KDM4B: variants seen among roughly 807,000 people sequenced by gnomAD.
The protein encoded by KDM4B is lysine demethylase 4B.
A neutral mutation model predicts 125.2 loss-of-function variants in KDM4B; 32 were observed. The observed-to-expected ratio is 0.26, with a 90% CI of 0.19 to 0.34. The LOEUF (loss-of-function observed/expected upper bound fraction) is 0.34, where lower values mean the gene tolerates loss of function less well. Among genes scored for constraint, KDM4B ranks in the 10% least tolerant of loss-of-function variants. KDM4B has a pLI of 1.00. For synonymous variants in KDM4B, 721 were observed against 677.9 expected (o/e 1.06, Z -0.99); for missense variants, 1,190 against 1,577.7 (o/e 0.75, Z 4.16).
In KDM4B at chr19:5,109,444, G is replaced by A. The variant is rs188381087; in HGVS notation, c.919-1178G>A. Among the ~76,000 whole-genome samples, 58 of 152,270 alleles carry A rather than the reference G, an allele frequency of 3.8e-4. 1 individual carries two copies. The highest frequency in any genetic ancestry group is 1.6e-3 in the Admixed American group (24 of 15,298). On this transcript the variant is annotated intron_variant, in intron 9 of 22. Coordinates refer to ENST00000159111, the MANE Select transcript of KDM4B (RefSeq NM_015015.3). ...CCCAGTGTGACCAAAGTGACGCAGC[G>A]GCAGAGCCACCAAGAACAGTGACCT...
intron 1 of KDM4B, among the ~76,000 whole-genome samples, chr19:4,969,813 A>G (rs2145258411): frequency 6.8e-6 from 1 of 146,824 alleles, no homozygotes; most frequent in East Asian, 2.0e-4. Flanking sequence ...TCAACCTGCT[A>G]TGCCTTGGTA....
At chr19:5,061,683 T>C (rs1473128215) in intron 6 of KDM4B, among the ~76,000 whole-genome samples, 2 of 151,932 alleles carry the variant, frequency 1.3e-5, no homozygotes, top group East Asian at 3.9e-4. Flanking sequence ...TGGGCAACAT[T>C]GCAAGACTCC....
In KDM4B at chr19:5,144,235, C is replaced by T. The variant is rs777135856; in HGVS notation, c.2737-13C>T. 44 of 1,594,574 alleles carry T rather than the reference C, an allele frequency of 2.8e-5. No individual in the cohort carries two copies. Among genetic ancestry groups the T allele is most frequent in the East Asian group, 4.6e-5 (2 of 43,892 alleles). On this transcript the variant is annotated splice_polypyrimidine_tract_variant and intron_variant, in intron 19 of 22. Transcript: ENST00000159111. ...CGCGCTGACCGCCCCCCACACCCTC[C>T]GCACCCTCCCAGGTCCAACTCCTGA...
rs551184666 is a variant in KDM4B, at chr19:5,041,036, C to T, written c.318-101C>T. 183 of 716,310 alleles carry T rather than the reference C, an allele frequency of 2.6e-4. 3 individuals carry two copies. The South Asian group carries it at 3.0e-3, about 12-fold the overall frequency. 44.4% of individuals were successfully genotyped at this position (716,310 alleles called of 1,614,324 possible). On this transcript the variant is annotated intron_variant, in intron 4 of 22. Coordinates refer to ENST00000159111, the MANE Select transcript of KDM4B (RefSeq NM_015015.3). ...AGCGGGCAGTCGGAGCAGAGCCCCT[C>T]CCGCCTCTTTCATGGGTGCCCTGGG...
At chr19:5,038,108 G>A (rs747359153) in intron 3 of KDM4B, among the ~76,000 whole-genome samples, 1 of 152,234 alleles carries the variant, frequency 6.6e-6, no homozygotes, top group East Asian at 1.9e-4. Flanking sequence ...CCAGATTCCT[G>A]GCAGATGAGC....
intron 9 of KDM4B, among the ~76,000 whole-genome samples, chr19:5,089,469 A>G (rs933019179): frequency 6.6e-6 from 1 of 152,130 alleles, no homozygotes; most frequent in African/African-American, 2.4e-5. Flanking sequence ...TTGCTCCATG[A>G]GGTTTGCTCT....
intron 11 of KDM4B, among the ~76,000 whole-genome samples, chr19:5,128,233 G>A (rs966997069): frequency 1.3e-5 from 2 of 152,212 alleles, no homozygotes; most frequent in Non-Finnish European, 2.9e-5. Flanking sequence ...ACTCTGATGA[G>A]TGTTTCCTCC....
chr19:5,105,104 G>T (rs1239910994), intron 9 of KDM4B, among the ~76,000 whole-genome samples: 3 of 152,218 alleles, frequency 2.0e-5, no homozygotes, highest in Non-Finnish European at 2.9e-5. Flanking sequence ...AGTTCTGGGG[G>T]CAGCGTGCCC....
intron 2 of KDM4B, among the ~76,000 whole-genome samples, chr19:5,030,645 C>T (rs559592311): frequency 2.6e-4 from 39 of 152,350 alleles, no homozygotes; most frequent in Non-Finnish European, 5.3e-4. Flanking sequence ...GCTGCCAAAG[C>T]GCAGGGGGAG....
chr19:5,101,841 A>C (rs958499376), intron 9 of KDM4B, among the ~76,000 whole-genome samples: 3 of 152,182 alleles, frequency 2.0e-5, no homozygotes, highest in Admixed American at 1.3e-4. Flanking sequence ...CCCTTGGGCC[A>C]GCCGGATTGC....
intron 3 of KDM4B, among the ~76,000 whole-genome samples, chr19:5,037,087 G>C (rs1444412421): frequency 6.6e-6 from 1 of 152,242 alleles, no homozygotes. Flanking sequence ...CAGAGGAATC[G>C]GGAGCGAAGT....
At chr19:5,129,861 C>G (rs1298470414) in intron 11 of KDM4B, among the ~76,000 whole-genome samples, 1 of 152,226 alleles carries the variant, frequency 6.6e-6, no homozygotes, top group East Asian at 1.9e-4. Flanking sequence ...GGCTGGTCTT[C>G]CTCGAGGACA....
chr19:5,057,076 G>C (rs76998132), intron 6 of KDM4B, among the ~76,000 whole-genome samples: 4 of 151,764 alleles, frequency 2.6e-5, no homozygotes, highest in African/African-American at 7.3e-5. Flanking sequence ...GCGCGCGCGC[G>C]CGTATGTTAG....
In KDM4B at chr19:4,997,377, C is replaced by CCTGGCTTCCACTGTGTCCTT; in HGVS notation, c.-108-18876_-108-18857dup. 6.6e-6 allele frequency among the ~76,000 whole-genome samples: 1 copy of CCTGGCTTCCACTGTGTCCTT among 152,132 alleles called. No individual in the cohort carries two copies. On this transcript the variant is annotated intron_variant, in intron 1 of 22. Transcript: ENST00000159111. This position sits in a 1 kb window ranked among gnomAD's most constrained non-coding sequence, Gnocchi z 4.2. ...CCCTAGGAGTCCAGGAGCGTCGGCC[C>CCTGGCTTCCACTGTGTCCTT]CTGGCTTCCACTGTGTCCTTCTGTG...
At chr19:5,106,173 T>C (rs904731236) in intron 9 of KDM4B, among the ~76,000 whole-genome samples, 4 of 152,230 alleles carry the variant, frequency 2.6e-5, no homozygotes, top group Non-Finnish European at 5.9e-5. Context: ...GACCGCATCT[T>C]GCCAGCGCAC....
chr19:5,038,083 C>G (rs772614447), intron 3 of KDM4B, among the ~76,000 whole-genome samples: 21 of 152,214 alleles, frequency 1.4e-4, no homozygotes, highest in Non-Finnish European at 2.4e-4. Flanking sequence ...GCCCGGGGCG[C>G]GGAGGGGCAG....
intron 18 of KDM4B, among the ~76,000 whole-genome samples, chr19:5,139,962 G>C (rs919562654): frequency 6.6e-6 from 1 of 152,234 alleles, no homozygotes; most frequent in African/African-American, 2.4e-5. Flanking sequence ...GTCAGGAGTG[G>C]TCAGTGCTGG....
chr19:5,150,564 CT>C (rs2039928933), intron 22 of KDM4B, 114 bp downstream of exon 22: 1 of 732,632 alleles, frequency 1.4e-6, no homozygotes, highest in African/African-American at 1.8e-5. Flanking sequence ...CCTCTTGCAC[CT>C]CTGCTGGAAG....
chr19:5,025,706 G>A (rs937194940), intron 2 of KDM4B, among the ~76,000 whole-genome samples: 2 of 152,102 alleles, frequency 1.3e-5, no homozygotes, highest in African/African-American at 2.4e-5. Flanking sequence ...CCCTGGCTTC[G>A]CTGGGTCCTT....
Sources: allele counts gnomAD v4.1 joint callset (sites outside exome capture counted in the v4.1 genomes callset), GRCh38; gene constraint gnomAD v4.1.1; non-coding constraint Gnocchi (gnomAD v3.1); transcripts MANE v1.5; gene names NCBI Gene and HGNC (gene_info 2026-07-23, HGNC 2026-07-21).